The following GABRA1 variants were observed in gnomAD, a reference collection of about 807,000 sequenced individuals.
GABRA1 encodes the protein gamma-aminobutyric acid receptor subunit alpha-1.
A neutral mutation model predicts 48.9 loss-of-function variants in GABRA1; 9 were observed. That is an observed-to-expected ratio of 0.18 (90% CI 0.11 to 0.32). The LOEUF (loss-of-function observed/expected upper bound fraction) is 0.32. GABRA1 is among the 10% of genes least tolerant of loss of function. The pLI is 1.00. For synonymous variants in GABRA1, 210 were observed against 198.7 expected, an observed-to-expected ratio of 1.06 and a Z score of -0.48; for missense variants, 285 against 553.8, an observed-to-expected ratio of 0.51 and a Z score of 4.87.
At chr5:161,881,992 AG>A (rs1754636418) in intron 6 of GABRA1, 1 of 155,044 alleles carries the variant, frequency 6.4e-6, no homozygotes, top group African/African-American at 2.4e-5. Flanking sequence ...GAGGAGAAGG[AG>A]AAGGAGAAGG....
intron 8 of GABRA1, among the ~76,000 whole-genome samples, chr5:161,894,011 A>C (rs2113458499): frequency 6.6e-6 from 1 of 152,262 alleles, no homozygotes; most frequent in South Asian, 2.1e-4. Context: ...TTACCACATT[A>C]CTTCTGAGAA....
rs567144721 is a variant in GABRA1 at position 161,889,858 on chromosome 5, T to C, written c.704-1040T>C. Among the ~76,000 whole-genome samples, 7 of 152,068 alleles carry C rather than the reference T, an allele frequency of 4.6e-5. No homozygotes were observed. In the East Asian group the frequency reaches 1.2e-3, roughly 25 times the overall value. ...TTCAAAAATGTCAATAGTGCTGAGGTTGAGAAAGCCTAATGCTGCTAATCA... is the reference window on the plus strand; with the variant it reads ...TTCAAAAATGTCAATAGTGCTGAGGCTGAGAAAGCCTAATGCTGCTAATCA... On this transcript the variant is annotated intron_variant, in intron 7 of 9. Transcript: ENST00000393943.
At chr5:161,868,725 G>A (rs1277153519) in intron 4 of GABRA1, among the ~76,000 whole-genome samples, 1 of 152,102 alleles carries the variant, frequency 6.6e-6, no homozygotes, top group Non-Finnish European at 1.5e-5. Flanking sequence ...AGCCACAGGC[G>A]ATCAAAAGCC....
chr5:161,849,630 C>A (rs988910120), intron 1 of GABRA1, among the ~76,000 whole-genome samples: 1 of 152,126 alleles, frequency 6.6e-6, no homozygotes, highest in African/African-American at 2.4e-5. Context: ...AGGCATACCA[C>A]ATTAAACTAT....
At chr5:161,849,958 C>A (rs1757370108) in intron 1 of GABRA1, 1 of 152,156 alleles carries the variant, frequency 6.6e-6, no homozygotes, top group South Asian at 2.1e-4. Flanking sequence ...GTAAAAAGAT[C>A]CCTTTATTCA....
At chr5:161,879,870 T>C (rs947570449) in intron 6 of GABRA1, among the ~76,000 whole-genome samples, 1 of 152,168 alleles carries the variant, frequency 6.6e-6, no homozygotes, top group African/African-American at 2.4e-5. Context: ...CCTCTACAAC[T>C]ATATTAGCAG....
At chr5:161,868,739 C>T (rs948092249) in intron 4 of GABRA1, among the ~76,000 whole-genome samples, 3 of 152,164 alleles carry the variant, frequency 2.0e-5, no homozygotes, top group African/African-American at 7.2e-5. Context: ...AAAAGCCTTT[C>T]TCTTTTCTTA....
Position 161,897,468 on chromosome 5 carries a change from T to G in GABRA1, c.*46T>G. ...TGTTCAGTCCTCTGCACTGGGAATTTATTTATGTTCTCAACGCAGTAATTC... is the reference window on the plus strand; with the variant it reads ...TGTTCAGTCCTCTGCACTGGGAATTGATTTATGTTCTCAACGCAGTAATTC... On this transcript the variant is annotated 3_prime_UTR_variant, in exon 10 of 10. Coordinates refer to ENST00000393943, the MANE Select transcript of GABRA1 (RefSeq NM_001127644.2). 6.6e-7 allele frequency: 1 copy of G among 1,509,054 alleles called. No homozygotes were observed. The highest frequency in any genetic ancestry group is 9.2e-7 in the Non-Finnish European group (1 of 1,086,052). The allele number at this position is 1,509,054 out of a possible 1,614,324, so 93.5% of individuals were successfully genotyped here.
intron 4 of GABRA1, among the ~76,000 whole-genome samples, chr5:161,866,318 A>G (rs2113356601): frequency 6.6e-6 from 1 of 152,228 alleles, no homozygotes; most frequent in African/African-American, 2.4e-5. Context: ...TATTATCCAG[A>G]GTGGAAATAC....
intron 3 of GABRA1, 104 bp downstream of exon 3, chr5:161,854,374 G>A (rs1472026922): frequency 4.1e-6 from 3 of 735,012 alleles, no homozygotes; most frequent in South Asian, 2.9e-5. Flanking sequence ...ATGGTGACAT[G>A]TAATTTAATG....
chr5:161,889,956 A>C, intron 7 of GABRA1, among the ~76,000 whole-genome samples: 1 of 152,210 alleles, frequency 6.6e-6, no homozygotes, highest in South Asian at 2.1e-4. Context: ...ACTCTACATC[A>C]AAATTTAGGA....
intron 5 of GABRA1, among the ~76,000 whole-genome samples, chr5:161,874,155 C>T (rs868408211): frequency 5.3e-5 from 8 of 151,766 alleles, no homozygotes; most frequent in African/African-American, 1.9e-4. Context: ...TTCTTTGGTA[C>T]AAAAAGGTAA....
At chr5:161,895,989 T>A (rs1755350435) in intron 9 of GABRA1, 121 bp downstream of exon 9, 1 of 863,948 alleles carries the variant, frequency 1.2e-6, no homozygotes, top group African/African-American at 1.7e-5. Flanking sequence ...TCTTTTTTTC[T>A]TATGTCGTAA....
intron 1 of GABRA1, among the ~76,000 whole-genome samples, chr5:161,849,295 T>A (rs545983813): frequency 2.0e-5 from 3 of 152,306 alleles, no homozygotes; most frequent in African/African-American, 7.2e-5. Flanking sequence ...TCAACAAAAA[T>A]TAATAGGGCT....
In GABRA1 at chr5:161,897,569, C is replaced by T; in HGVS notation, c.*147C>T. ...TCATAATTCATTTAAGAACAAGAGA[C>T]CCCTGTCTGGCAGTCTGGAGCAAAG... On this transcript the variant is annotated 3_prime_UTR_variant, in exon 10 of 10. Transcript: ENST00000393943. 1.2e-6 allele frequency: 1 copy of T among 808,536 alleles called. No individual in the cohort carries two copies. The highest frequency in any genetic ancestry group is 2.4e-4 in the Middle Eastern group (1 of 4,110). 50.1% of individuals were successfully genotyped at this position (808,536 alleles called of 1,614,324 possible).
At chr5:161,891,197 A>C in intron 8 of GABRA1, 147 bp downstream of exon 8, 2 of 758,706 alleles carry the variant, frequency 2.6e-6, no homozygotes, top group Non-Finnish European at 4.5e-6. Context: ...TGCCACTCTC[A>C]TTATGGTATA....
chr5:161,861,978 G>A (rs1757878708), intron 3 of GABRA1, among the ~76,000 whole-genome samples: 1 of 151,898 alleles, frequency 6.6e-6, no homozygotes, highest in Non-Finnish European at 1.5e-5. Flanking sequence ...GTTACTCTGA[G>A]TTCCTCAGCA....
chr5:161,895,024 A>ATG (rs1755296709), intron 8 of GABRA1, among the ~76,000 whole-genome samples: 1 of 149,474 alleles, frequency 6.7e-6, no homozygotes, highest in African/African-American at 2.5e-5. Flanking sequence ...TATTATATAT[A>ATG]TGTGTATATA....
intron 6 of GABRA1, among the ~76,000 whole-genome samples, chr5:161,876,190 T>TAG (rs1754344733): frequency 6.6e-6 from 1 of 151,800 alleles, no homozygotes; most frequent in Non-Finnish European, 1.5e-5. Context: ...TTCATATATA[T>TAG]ATATATATAT....
Sources: allele counts gnomAD v4.1 joint callset (sites outside exome capture counted in the v4.1 genomes callset), GRCh38; gene constraint gnomAD v4.1.1; transcripts MANE v1.5; gene names NCBI Gene and HGNC (gene_info 2026-07-23, HGNC 2026-07-21).